Variants in BRCA1 observed in about 807,000 individuals in gnomAD.
BRCA1 encodes breast cancer type 1 susceptibility protein.
BRCA1 carries 140 observed loss-of-function variants against 173.7 expected under a neutral mutation model. The observed-to-expected ratio is 0.81, with a 90% CI of 0.70 to 0.93. The LOEUF (loss-of-function observed/expected upper bound fraction) is 0.93. Among genes scored for constraint, BRCA1 ranks in the 40% least tolerant of loss-of-function variants. The pLI, the probability that BRCA1 is intolerant of heterozygous loss-of-function variation, is 0.00. For synonymous variants in BRCA1, 662 were observed against 756.0 expected, an observed-to-expected ratio of 0.88 and a Z score of 2.04; for missense variants, 1,983 against 2,172.5, an observed-to-expected ratio of 0.91 and a Z score of 1.73.
At chr17:43,164,733 C>T (rs182467480) in intron 1 of BRCA1, 141 of 152,202 alleles carry the variant, frequency 9.3e-4, no homozygotes, top group African/African-American at 3.3e-3. Flanking sequence ...TAGGGTCCTT[C>T]CAGGCTGGCT....
At chr17:43,082,357 G>T (rs2154143009) in intron 12 of BRCA1, 47 bp downstream of exon 12, 2 of 1,587,048 alleles carry the variant, frequency 1.3e-6, no homozygotes, top group Non-Finnish European at 8.6e-7. Flanking sequence ...TAAAGGGGAA[G>T]GAAAGAATTT....
intron 11 of BRCA1, among the ~76,000 whole-genome samples, chr17:43,086,409 C>A (rs1251472618): frequency 4.6e-5 from 7 of 151,730 alleles, no homozygotes; most frequent in African/African-American, 9.7e-5. Context: ...ATCAATGATA[C>A]CAAATTAGGA....
chr17:43,068,867 G>C (rs2052265429), intron 15 of BRCA1, among the ~76,000 whole-genome samples: 1 of 152,186 alleles, frequency 6.6e-6, no homozygotes, highest in Non-Finnish European at 1.5e-5. Flanking sequence ...CTTCCCCAAA[G>C]AAATTTAGAG....
intron 1 of BRCA1, among the ~76,000 whole-genome samples, chr17:43,133,678 AG>A (rs2055991181): frequency 1.5e-5 from 2 of 136,668 alleles, no homozygotes; most frequent in South Asian, 4.6e-4. Context: ...TCTGTTACCC[AG>A]GCTGGAGTGC....
At chr17:43,076,739 TATATC>T in intron 12 of BRCA1, 125 bp from the exon 13 acceptor site, 1 of 1,082,180 alleles carries the variant, frequency 9.2e-7, no homozygotes, top group East Asian at 2.4e-5. Flanking sequence ...TTTAAACAAG[TATATC>T]AGGCAGAATT....
chr17:43,097,245 T>G lies in BRCA1; in HGVS notation c.592A>C (p.Ser198Arg). The part of the protein sequence containing the change: ...EDTVNKATYC[S>R]VGDQELLQIT... Reference sequence around the variant, plus strand: ...AGACAAAGGTTCTCTTTGACTCACCTGCAATAAGTTGCCTTATTAACGGTA... The same window carrying G: ...AGACAAAGGTTCTCTTTGACTCACCGGCAATAAGTTGCCTTATTAACGGTA... Residue 198 changes from serine to arginine, a missense_variant and splice_region_variant, in exon 8 of 23, where the codon AGT (serine) becomes CGT (arginine). Transcript: ENST00000357654. 6.2e-7 allele frequency: 1 copy of G among 1,613,642 alleles called. No individual in the cohort carries two copies. The highest frequency in any genetic ancestry group is 8.5e-7 in the Non-Finnish European group (1 of 1,179,684).
intron 7 of BRCA1, among the ~76,000 whole-genome samples, chr17:43,099,498 C>A (rs1437136227): frequency 6.6e-6 from 1 of 151,798 alleles, no homozygotes; most frequent in Non-Finnish European, 1.5e-5. Context: ...CTCGAACTCC[C>A]GACCTCAGGT....
chr17:43,085,568 C>T (rs555068216), intron 11 of BRCA1, among the ~76,000 whole-genome samples: 11 of 152,268 alleles, frequency 7.2e-5, no homozygotes, highest in Admixed American at 5.2e-4. Context: ...GACAACTTTA[C>T]GTTTCCTGGG....
At chr17:43,083,133 T>C (rs2053093581) in intron 11 of BRCA1, among the ~76,000 whole-genome samples, 1 of 152,062 alleles carries the variant, frequency 6.6e-6, no homozygotes, top group African/African-American at 2.4e-5. Flanking sequence ...GACTCTTCCT[T>C]TTCTGGGATT....
At chr17:43,057,726 C>T (rs1245955271) in intron 18 of BRCA1, among the ~76,000 whole-genome samples, 1 of 151,556 alleles carries the variant, frequency 6.6e-6, no homozygotes, top group Non-Finnish European at 1.5e-5. Flanking sequence ...GTCCCAGCTA[C>T]TCGGGAGGCT....
intron 11 of BRCA1, among the ~76,000 whole-genome samples, chr17:43,089,210 A>G (rs1204204891): frequency 6.6e-6 from 1 of 152,064 alleles, no homozygotes; most frequent in African/African-American, 2.4e-5. Flanking sequence ...CCAGCTACTT[A>G]GAAGGCTGAA....
intron 14 of BRCA1, 94 bp from the exon 15 acceptor site, chr17:43,071,332 T>A: frequency 7.0e-7 from 1 of 1,430,594 alleles, no homozygotes; most frequent in Non-Finnish European, 9.7e-7. Flanking sequence ...CCAATAAAGT[T>A]AGGTTAAGAG....
upstream of BRCA1, among the ~76,000 whole-genome samples, chr17:43,130,156 T>C (rs2055953277): frequency 6.6e-6 from 1 of 152,114 alleles, no homozygotes. Flanking sequence ...TAATGACTGG[T>C]TTATTATTTT....
At chr17:43,121,962 T>G (rs957778069) in intron 2 of BRCA1, among the ~76,000 whole-genome samples, 3 of 152,082 alleles carry the variant, frequency 2.0e-5, no homozygotes, top group African/African-American at 7.2e-5. Flanking sequence ...TTGTCATGAG[T>G]AAGTTTTGTG....
At chr17:43,125,372 C>G (rs1438870433), upstream of BRCA1, 11 of 414,636 alleles carry the variant, frequency 2.7e-5, no homozygotes, top group Non-Finnish European at 4.9e-5. Context: ...AGCGAGCTCA[C>G]GCCGCGCAGT....
intron 16 of BRCA1, among the ~76,000 whole-genome samples, chr17:43,064,827 A>ATT (rs60879064): frequency 6.9e-4 from 74 of 106,656 alleles, no homozygotes; most frequent in Admixed American, 1.2e-3. Flanking sequence ...TTTGATTTGC[A>ATT]TTTTTTTTTT....
At chr17:43,063,295 T>G in intron 18 of BRCA1, 38 bp downstream of exon 18, 1 of 1,529,864 alleles carries the variant, frequency 6.5e-7, no homozygotes, top group Non-Finnish European at 9.1e-7. Context: ...TATGACTGAA[T>G]GAATATCTCT....
At chr17:43,111,050 G>A (rs1009842106) in intron 3 of BRCA1, among the ~76,000 whole-genome samples, 1 of 148,964 alleles carries the variant, frequency 6.7e-6, no homozygotes, top group African/African-American at 2.5e-5. Flanking sequence ...GCAGTGAGCC[G>A]AGATTGTACC....
intron 18 of BRCA1, 79 bp from the exon 19 acceptor site, chr17:43,057,214 A>G (rs981531989): frequency 1.4e-6 from 2 of 1,423,352 alleles, no homozygotes; most frequent in Non-Finnish European, 2.0e-6. Flanking sequence ...GACACGTCAT[A>G]TTTAAGGCAT....
Sources: allele counts gnomAD v4.1 joint callset (sites outside exome capture counted in the v4.1 genomes callset), GRCh38; gene constraint gnomAD v4.1.1; transcripts MANE v1.5; gene names NCBI Gene and HGNC (gene_info 2026-07-23, HGNC 2026-07-21).